DGKB: variants seen among roughly 807,000 people sequenced by gnomAD.
DGKB encodes the protein diacylglycerol kinase beta.
A neutral mutation model predicts 114.3 loss-of-function variants in DGKB; 67 were observed. The observed-to-expected ratio is 0.59, with a 90% CI of 0.48 to 0.72. The LOEUF (loss-of-function observed/expected upper bound fraction) is 0.72, where lower values mean the gene tolerates loss of function less well. Ranked by LOEUF, DGKB falls within the 30% of genes least tolerant of loss-of-function variation. The pLI is 0.00. For synonymous variants in DGKB, 398 were observed against 323.1 expected (o/e 1.23, Z -2.49); for missense variants, 907 against 975.2 (o/e 0.93, Z 0.93).
chr7:14,787,046 G>A (rs1348542830), intron 2 of DGKB, among the ~76,000 whole-genome samples: 1 of 152,142 alleles, frequency 6.6e-6, no homozygotes, highest in African/African-American at 2.4e-5. Context: ...GGGACAACCT[G>A]CCAGTAGATA....
At chr7:14,227,363 T>C (rs1368269388) in intron 23 of DGKB, among the ~76,000 whole-genome samples, 1 of 152,104 alleles carries the variant, frequency 6.6e-6, no homozygotes, top group African/African-American at 2.4e-5. Context: ...TAGTGGCTAA[T>C]GTTTGAATTG....
chr7:14,925,951 T>A (rs1255216717), intron 1 of DGKB, among the ~76,000 whole-genome samples: 2 of 152,110 alleles, frequency 1.3e-5, no homozygotes, highest in African/African-American at 4.8e-5. Context: ...TTGTGTTGAA[T>A]AAGAGTAGAG....
intron 25 of DGKB, among the ~76,000 whole-genome samples, chr7:14,172,134 A>G (rs1223214869): frequency 6.6e-6 from 1 of 152,214 alleles, no homozygotes; most frequent in African/African-American, 2.4e-5. Flanking sequence ...ACCAAACTAA[A>G]GAAGAGGAAA....
intron 17 of DGKB, among the ~76,000 whole-genome samples, chr7:14,587,126 T>C (rs939614496): frequency 6.6e-6 from 1 of 152,156 alleles, no homozygotes; most frequent in African/African-American, 2.4e-5. Flanking sequence ...GATTTAATAA[T>C]CTAGGTGTCA....
chr7:14,289,645 TA>T (rs1801425038), intron 23 of DGKB, among the ~76,000 whole-genome samples: 1 of 151,276 alleles, frequency 6.6e-6, no homozygotes, highest in Non-Finnish European at 1.5e-5. Flanking sequence ...ATAATACTAT[TA>T]AAAAATAACC....
chr7:14,567,687 A>G (rs1040301377), intron 20 of DGKB, among the ~76,000 whole-genome samples: 1 of 147,380 alleles, frequency 6.8e-6, no homozygotes, highest in Non-Finnish European at 1.5e-5. Context: ...GCTCACTGCA[A>G]CCTCTGCCTC....
At chr7:14,427,822 G>A (rs570135821) in intron 21 of DGKB, among the ~76,000 whole-genome samples, 1 of 152,088 alleles carries the variant, frequency 6.6e-6, no homozygotes, top group African/African-American at 2.4e-5. Flanking sequence ...CCCACAACAT[G>A]TGGGAATTCA....
chr7:14,675,302 A>G (rs571153274), intron 12 of DGKB, among the ~76,000 whole-genome samples: 2 of 152,150 alleles, frequency 1.3e-5, no homozygotes, highest in African/African-American at 4.8e-5. Flanking sequence ...CCACACCTCC[A>G]TCCATGTGTT....
intron 21 of DGKB, among the ~76,000 whole-genome samples, chr7:14,427,808 C>G (rs540024741): frequency 3.3e-5 from 5 of 152,246 alleles, no homozygotes; most frequent in African/African-American, 1.2e-4. Context: ...CCCACCAGGT[C>G]TCTCCCACAA....
intron 21 of DGKB, among the ~76,000 whole-genome samples, chr7:14,377,678 T>G (rs1818727000): frequency 6.6e-6 from 1 of 152,172 alleles, no homozygotes; most frequent in Non-Finnish European, 1.5e-5. Context: ...ATACCTAGCT[T>G]GGCCCCCAAG....
Position 14,216,865 on chromosome 7 carries a change from G to C in DGKB, c.2123-38714C>G, listed in dbSNP as rs191872205. Among the ~76,000 whole-genome samples the C allele has an allele frequency of 4.2e-3, 639 of 152,092 alleles. 9 individuals carry two copies. The highest frequency in any genetic ancestry group is 0.034 in the South Asian group (163 of 4,826). On this transcript the variant is annotated intron_variant, in intron 23 of 25. Transcript: ENST00000402815. ...TCTTTTAAAGGACTTACACCAATGTGTTGGTAATCACTGTCTTCAGTAGAT... is the reference window on the plus strand; with the variant it reads ...TCTTTTAAAGGACTTACACCAATGTCTTGGTAATCACTGTCTTCAGTAGAT...
chr7:14,577,397 C>T (rs940021646), intron 19 of DGKB, among the ~76,000 whole-genome samples: 1 of 152,150 alleles, frequency 6.6e-6, no homozygotes, highest in Admixed American at 6.5e-5. Context: ...GCGGGTGGAT[C>T]ACGAGGTCAG....
chr7:14,757,606 C>T, intron 3 of DGKB, 49 bp downstream of exon 3: 2 of 1,058,560 alleles, frequency 1.9e-6, no homozygotes, highest in Non-Finnish European at 2.9e-6. Context: ...AAGAAATACC[C>T]TCTTCCAAGC....
upstream of DGKB, among the ~76,000 whole-genome samples, chr7:14,906,021 A>T (rs1783689179): frequency 6.6e-6 from 1 of 152,116 alleles, no homozygotes; most frequent in Non-Finnish European, 1.5e-5. Context: ...ACTGCACAAT[A>T]ATGCCTGTCC....
chr7:14,826,150 G>T (rs1458216341), intron 2 of DGKB, among the ~76,000 whole-genome samples: 1 of 152,112 alleles, frequency 6.6e-6, no homozygotes, highest in South Asian at 2.1e-4. Flanking sequence ...AAACAACTTG[G>T]CTGACCTCAT....
chr7:14,812,632 GTCCCAGATAAATTA>G (rs1454106070), intron 2 of DGKB, among the ~76,000 whole-genome samples: 1 of 151,998 alleles, frequency 6.6e-6, no homozygotes, highest in African/African-American at 2.4e-5. Context: ...AGCTCCCAGG[GTCCCAGATAAATTA>G]TCCCAGTGTC....
At chr7:14,802,947 TA>T (rs1391718889) in intron 2 of DGKB, among the ~76,000 whole-genome samples, 1 of 132,884 alleles carries the variant, frequency 7.5e-6, no homozygotes, top group African/African-American at 3.1e-5. Flanking sequence ...CTCATACAAT[TA>T]AAAATAATTA....
rs901188473 is a variant in DGKB, at chr7:14,544,986, GT to G, written c.1770+29225del. On this transcript the variant is annotated intron_variant, in intron 20 of 25. Transcript: ENST00000402815. Reference sequence around the variant, plus strand: ...TGCTTCTTCACGTTGATGCCAAAATGTTTTTTTTTTTAAAAAACAGATTTTA... The same window carrying G: ...TGCTTCTTCACGTTGATGCCAAAATGTTTTTTTTTTAAAAAACAGATTTTA... Among the ~76,000 whole-genome samples the G allele has an allele frequency of 1.0e-3, 151 of 144,444 alleles. 1 individual carries two copies. The highest frequency in any genetic ancestry group is 2.6e-3 in the African/African-American group (103 of 39,536). 94.8% of individuals were successfully genotyped at this position (144,444 alleles called of 152,430 possible).
chr7:14,704,819 A>C (rs13229869), intron 6 of DGKB, among the ~76,000 whole-genome samples: 58,288 of 150,178 alleles, frequency 0.39, 12,809 homozygotes, highest in East Asian at 0.82. Flanking sequence ...ACCCATCTGT[A>C]CATCACCATC....
Sources: allele counts gnomAD v4.1 joint callset (sites outside exome capture counted in the v4.1 genomes callset), GRCh38; gene constraint gnomAD v4.1.1; transcripts MANE v1.5; gene names NCBI Gene and HGNC (gene_info 2026-07-23, HGNC 2026-07-21).